The following RBFOX3 variants were observed in gnomAD, a reference collection of about 807,000 sequenced individuals.
RBFOX3 encodes RNA binding protein fox-1 homolog 3.
In RBFOX3, 17 loss-of-function variants were observed where a neutral mutation model predicts 48.7. The ratio of observed to expected loss-of-function variants is 0.35; its 90% confidence interval spans 0.24 to 0.52. The LOEUF (loss-of-function observed/expected upper bound fraction) is 0.52. Ranked by LOEUF, RBFOX3 falls within the 20% of genes least tolerant of loss-of-function variation. The pLI, the probability that RBFOX3 is intolerant of heterozygous loss-of-function variation, is 0.94. For missense variants in RBFOX3, 382 were observed against 497.5 expected, an observed-to-expected ratio of 0.77 and a Z score of 2.21; for synonymous variants, 212 against 209.5, an observed-to-expected ratio of 1.01 and a Z score of -0.10.
chr17:79,647,009 C>T, the RBFOX3 span, among the ~76,000 whole-genome samples: 1 of 151,800 alleles, frequency 6.6e-6, no homozygotes, highest in Admixed American at 6.6e-5. Context: ...GGGGACAGGC[C>T]AACCCCACCT....
At chr17:79,108,015 G>A (rs1286275120) in intron 5 of RBFOX3, among the ~76,000 whole-genome samples, 9 of 152,210 alleles carry the variant, frequency 5.9e-5, no homozygotes, top group Non-Finnish European at 1.2e-4. Context: ...GGCTTCCTTC[G>A]CCTTCCCGCC....
At chr17:79,602,193 T>TCAAA (rs1430810174) in intron 1 of RBFOX3, 1 of 152,176 alleles carries the variant, frequency 6.6e-6, no homozygotes, top group Non-Finnish European at 1.5e-5. Flanking sequence ...GGCTCCCCCA[T>TCAAA]CAAACACAGG....
chr17:79,157,117 A>G (rs1356464930), intron 4 of RBFOX3, among the ~76,000 whole-genome samples: 3 of 151,748 alleles, frequency 2.0e-5, no homozygotes, highest in African/African-American at 7.3e-5. Flanking sequence ...ACTCAGAGAA[A>G]CCCCTCCGGT....
intron 2 of RBFOX3, among the ~76,000 whole-genome samples, chr17:79,332,462 C>T (rs1333311098): frequency 6.6e-6 from 1 of 151,852 alleles, no homozygotes; most frequent in East Asian, 1.9e-4. Context: ...CACGTGAGCA[C>T]CTGAGTCAAT....
chr17:79,293,059 G>A (rs990853424), intron 3 of RBFOX3, among the ~76,000 whole-genome samples: 3 of 152,072 alleles, frequency 2.0e-5, no homozygotes, highest in Admixed American at 6.5e-5. Flanking sequence ...CTATTTTACA[G>A]TGCCACTGTT....
At chr17:79,465,894 G>A (rs1380775526) in intron 2 of RBFOX3, among the ~76,000 whole-genome samples, 9 of 152,190 alleles carry the variant, frequency 5.9e-5, no homozygotes, top group African/African-American at 2.2e-4. Flanking sequence ...CCTCCACAAA[G>A]CCACTCCTCC....
intron 2 of RBFOX3, among the ~76,000 whole-genome samples, chr17:79,374,704 G>C (rs2147754426): frequency 6.6e-6 from 1 of 152,322 alleles, no homozygotes; most frequent in Admixed American, 6.5e-5. Flanking sequence ...AGGTGTGCCT[G>C]GCTTTTAAGA....
intron 4 of RBFOX3, among the ~76,000 whole-genome samples, chr17:79,158,819 G>T (rs1427782675): frequency 6.6e-6 from 1 of 152,216 alleles, no homozygotes; most frequent in Non-Finnish European, 1.5e-5. Context: ...AAGGGACCTG[G>T]CTCAGCCCAC....
intron 2 of RBFOX3, among the ~76,000 whole-genome samples, chr17:79,353,945 T>C (rs1195359210): frequency 1.3e-5 from 2 of 152,164 alleles, no homozygotes; most frequent in African/African-American, 4.8e-5. Context: ...CCTCTGCATC[T>C]CTCTCAGGAG....
chr17:79,262,648 TGCCAGCTGTGGACAA>T (rs1445692412), intron 3 of RBFOX3, among the ~76,000 whole-genome samples: 1 of 152,138 alleles, frequency 6.6e-6, no homozygotes, highest in Non-Finnish European at 1.5e-5. Context: ...AGGCTCACGG[TGCCAGCTGTGGACAA>T]GCCCACAGGC....
At chr17:79,181,211 T>C (rs1397591240) in intron 4 of RBFOX3, among the ~76,000 whole-genome samples, 2 of 152,224 alleles carry the variant, frequency 1.3e-5, no homozygotes, top group South Asian at 2.1e-4. Context: ...CAATAAACCA[T>C]GGATTGGTCT....
chr17:79,304,440 T>C (rs1409379907), intron 3 of RBFOX3, among the ~76,000 whole-genome samples: 2 of 149,444 alleles, frequency 1.3e-5, no homozygotes, highest in Non-Finnish European at 3.0e-5. Flanking sequence ...GATATATATG[T>C]GTATATATAT....
At chr17:79,197,388 CTTTTT>C (rs72118967) in intron 4 of RBFOX3, among the ~76,000 whole-genome samples, 12 of 112,770 alleles carry the variant, frequency 1.1e-4, no homozygotes, top group Admixed American at 1.9e-4. Flanking sequence ...TTCTTTCTTT[CTTTTT>C]TTTTTTTTTT....
chr17:79,287,804 G>A (rs74344247), intron 3 of RBFOX3, among the ~76,000 whole-genome samples: 4,626 of 152,274 alleles, frequency 0.03, 115 homozygotes, highest in East Asian at 0.069. Context: ...TGGACACCTT[G>A]GCCTGTGCTG....
At chr17:79,485,972 T>C (rs4789900) in intron 1 of RBFOX3, among the ~76,000 whole-genome samples, 26,141 of 152,228 alleles carry the variant, frequency 0.17, 2,620 homozygotes, top group East Asian at 0.43. Context: ...CCATCCATCA[T>C]CCATAGCGCA....
intron 2 of RBFOX3, among the ~76,000 whole-genome samples, chr17:79,410,277 T>A (rs1166053222): frequency 1.3e-5 from 2 of 152,206 alleles, no homozygotes. Context: ...TCTTAGCTGC[T>A]CCCAGTCAGT....
At chr17:79,507,064 T>G (rs1402237175) in intron 1 of RBFOX3, among the ~76,000 whole-genome samples, 1 of 152,106 alleles carries the variant, frequency 6.6e-6, no homozygotes, top group Non-Finnish European at 1.5e-5. Flanking sequence ...CTGGGAGCCC[T>G]GGGGGCAGGA....
chr17:79,129,087 G>A (rs1315451326), intron 4 of RBFOX3, among the ~76,000 whole-genome samples: 5 of 152,116 alleles, frequency 3.3e-5, no homozygotes, highest in African/African-American at 7.2e-5. Flanking sequence ...GGGCTGACCC[G>A]GTTCAGGCAC....
chr17:79,103,087 C>T lies in RBFOX3; in HGVS notation c.507+75G>A. 9.0e-7 allele frequency: 1 copy of T among 1,115,198 alleles called. No homozygotes were observed. The allele number at this position is 1,115,198 out of a possible 1,614,324, so 69.1% of individuals were successfully genotyped here. A position where few individuals can be genotyped will look rare whatever the true frequency, so the allele number is the denominator to read the frequency against. ...TCTGAAGGGTGCGGCAGTGGCAGGG[C>T]TGGTTGGTTGGGGGAGCTGGGGGGC... is the stretch of plus-strand genomic sequence containing the variant. On this transcript the variant is annotated intron_variant, in intron 8 of 14. Transcript: ENST00000693108. The surrounding 1 kb of genome is among the most constrained non-coding windows in gnomAD (Gnocchi z 6.1).
Sources: gnomAD v4.1 joint callset for allele counts (sites outside exome capture counted in the v4.1 genomes callset) on GRCh38, gnomAD v4.1.1 for gene constraint, Gnocchi (gnomAD v3.1) non-coding constraint, MANE v1.5 for transcripts, NCBI Gene and HGNC (gene_info 2026-07-23, HGNC 2026-07-21) for gene names.